The following PCDH15 variants were observed in gnomAD, a reference collection of about 807,000 sequenced individuals.
The protein encoded by PCDH15 is protocadherin-15.
Under a neutral mutation model 178.5 loss-of-function variants are expected in PCDH15, and 129 were observed. The observed-to-expected ratio is 0.72, with a 90% CI of 0.63 to 0.84. PCDH15 has a LOEUF of 0.84. PCDH15 is among the 40% of genes least tolerant of loss of function. The pLI, the probability that PCDH15 is intolerant of heterozygous loss-of-function variation, is 0.00. For synonymous variants in PCDH15, 800 were observed against 732.0 expected (o/e 1.09, Z -1.50); for missense variants, 2,230 against 2,099.9 (o/e 1.06, Z -1.21).
At chr10:55,533,612 T>C (rs1312894736) in intron 2 of PCDH15, among the ~76,000 whole-genome samples, 1 of 152,048 alleles carries the variant, frequency 6.6e-6, no homozygotes, top group African/African-American at 2.4e-5. Context: ...TCCATGCTCA[T>C]TGAATAGAAA....
chr10:53,843,282 T>C (rs1257469355), intron 28 of PCDH15, among the ~76,000 whole-genome samples: 1 of 152,132 alleles, frequency 6.6e-6, no homozygotes, highest in Non-Finnish European at 1.5e-5. Context: ...TAAAACTAAA[T>C]ACCTTTTAAT....
chr10:54,470,407 G>T (rs1034386417), intron 3 of PCDH15, among the ~76,000 whole-genome samples: 45 of 152,268 alleles, frequency 3.0e-4, no homozygotes, highest in African/African-American at 9.9e-4. Context: ...GCAGGTGGGG[G>T]AGGTCAGTGG....
intron 2 of PCDH15, among the ~76,000 whole-genome samples, chr10:55,035,050 T>A (rs1469100965): frequency 6.6e-6 from 1 of 152,136 alleles, no homozygotes; most frequent in African/African-American, 2.4e-5. Context: ...AGAAATGTTT[T>A]TATGTATCTT....
At chr10:54,841,863 C>G (rs994904159) in intron 3 of PCDH15, among the ~76,000 whole-genome samples, 2 of 151,786 alleles carry the variant, frequency 1.3e-5, no homozygotes, top group African/African-American at 4.8e-5. Context: ...GTAGCACTCT[C>G]TTATTCTTCC....
intron 2 of PCDH15, among the ~76,000 whole-genome samples, chr10:54,645,104 T>G (rs1330094858): frequency 6.6e-6 from 1 of 152,182 alleles, no homozygotes; most frequent in East Asian, 1.9e-4. Flanking sequence ...AATATTGGTA[T>G]TATACTCAGA....
At chr10:53,823,696 A>ACAAATCACAGTTCTTC (rs2076474580) in intron 32 of PCDH15, 1 of 462,648 alleles carries the variant, frequency 2.2e-6, no homozygotes, top group Non-Finnish European at 4.2e-6. Context: ...TCCCTTATGC[A>ACAAATCACAGTTCTTC]CAAATCACAG....
chr10:54,490,939 C>A (rs868021766), intron 3 of PCDH15, among the ~76,000 whole-genome samples: 3 of 152,104 alleles, frequency 2.0e-5, no homozygotes, highest in South Asian at 2.1e-4. Flanking sequence ...ACTCCAGATG[C>A]ATTAGCTTTA....
At chr10:54,432,629 C>T (rs905238310) in intron 3 of PCDH15, among the ~76,000 whole-genome samples, 1 of 151,876 alleles carries the variant, frequency 6.6e-6, no homozygotes, top group African/African-American at 2.4e-5. Flanking sequence ...GAAACTACTA[C>T]AAAAAATTGA....
At chr10:53,914,315 G>A (rs879373153) in intron 25 of PCDH15, among the ~76,000 whole-genome samples, 6 of 152,130 alleles carry the variant, frequency 3.9e-5, no homozygotes, top group Admixed American at 1.3e-4. Flanking sequence ...ACATGCACAC[G>A]TATGTTTATT....
chr10:54,680,313 A>C (rs1294799774), intron 1 of PCDH15, among the ~76,000 whole-genome samples: 1 of 152,146 alleles, frequency 6.6e-6, no homozygotes, highest in Non-Finnish European at 1.5e-5. Context: ...AATTCATGAA[A>C]ACAAGCCTGA....
intron 15 of PCDH15, among the ~76,000 whole-genome samples, chr10:54,130,339 G>C (rs1397019650): frequency 1.3e-5 from 2 of 152,184 alleles, no homozygotes; most frequent in Non-Finnish European, 2.9e-5. Context: ...GCTGCACAGA[G>C]TCAGGAAGAG....
intron 1 of PCDH15, among the ~76,000 whole-genome samples, chr10:55,249,431 T>C (rs1841775007): frequency 6.6e-6 from 1 of 152,170 alleles, no homozygotes; most frequent in African/African-American, 2.4e-5. Flanking sequence ...CTGTTCAATA[T>C]TTAATACTCT....
chr10:55,613,189 A>G (rs1350178204), intron 2 of PCDH15, among the ~76,000 whole-genome samples: 1 of 151,886 alleles, frequency 6.6e-6, no homozygotes, highest in Non-Finnish European at 1.5e-5. Context: ...TTCCCTAACC[A>G]CCTTCTCTTT....
At chr10:53,993,823 T>G (rs1385996583) in intron 21 of PCDH15, among the ~76,000 whole-genome samples, 1 of 152,158 alleles carries the variant, frequency 6.6e-6, no homozygotes, top group Non-Finnish European at 1.5e-5. Flanking sequence ...TATCAAAAGA[T>G]TGTTGGTGTT....
chr10:54,474,257 A>T (rs1221111225), intron 3 of PCDH15, among the ~76,000 whole-genome samples: 1 of 151,912 alleles, frequency 6.6e-6, no homozygotes, highest in Non-Finnish European at 1.5e-5. Context: ...ACCAAAGCTT[A>T]GATTCTTCAA....
chr10:53,959,897 C>G (rs1032409776), intron 22 of PCDH15, 53 bp from the exon 23 acceptor site: 2 of 1,326,428 alleles, frequency 1.5e-6, no homozygotes, highest in African/African-American at 2.9e-5. Flanking sequence ...AACAGCGTAA[C>G]AGCACAATTT....
chr10:54,104,704 G>T (rs1182014792), intron 15 of PCDH15, among the ~76,000 whole-genome samples: 1 of 151,920 alleles, frequency 6.6e-6, no homozygotes, highest in African/African-American at 2.4e-5. Flanking sequence ...GGGCGTGGTG[G>T]CGGGCGCCTG....
chr10:54,563,531 T>A (rs930074976), intron 2 of PCDH15, among the ~76,000 whole-genome samples: 1 of 152,198 alleles, frequency 6.6e-6, no homozygotes, highest in Non-Finnish European at 1.5e-5. Flanking sequence ...TCTAAGTTAT[T>A]GGCTCTGGCA....
intron 8 of PCDH15, among the ~76,000 whole-genome samples, chr10:54,242,160 A>G (rs1242123605): frequency 5.7e-4 from 61 of 107,156 alleles, no homozygotes; most frequent in African/African-American, 2.2e-3. Context: ...ATATATATAT[A>G]TATATATATA....
Sources: gnomAD v4.1 joint callset for allele counts (sites outside exome capture counted in the v4.1 genomes callset) on GRCh38, gnomAD v4.1.1 for gene constraint, MANE v1.5 for transcripts, NCBI Gene and HGNC (gene_info 2026-07-23, HGNC 2026-07-21) for gene names.